The following C19orf47 variants were observed in gnomAD, a reference collection of about 807,000 sequenced individuals.
C19orf47 encodes the protein uncharacterized protein C19orf47.
In C19orf47, 18 loss-of-function variants were observed where a neutral mutation model predicts 32.3. The observed-to-expected ratio is 0.56, with a 90% CI of 0.39 to 0.83. C19orf47 has a LOEUF of 0.83. Ranked by LOEUF, C19orf47 falls within the 40% of genes least tolerant of loss-of-function variation. The pLI, the probability that C19orf47 is intolerant of heterozygous loss-of-function variation, is 0.00. For missense variants in C19orf47, 484 were observed against 531.6 expected (o/e 0.91, Z 0.88); for synonymous variants, 202 against 211.1 (o/e 0.96, Z 0.37).
rs375659046 is a variant in C19orf47, at chr19:40,321,616, G to A, written c.*266C>T. The A allele has an allele frequency of 2.6e-5, 33 of 1,257,048 alleles. No homozygotes were observed. The highest frequency in any genetic ancestry group is 3.2e-5 in the Non-Finnish European group (32 of 999,532). 77.9% of individuals were successfully genotyped at this position (1,257,048 alleles called of 1,614,324 possible). A position where few individuals can be genotyped will look rare whatever the true frequency, so the allele number is the denominator to read the frequency against. On this transcript the variant is annotated 3_prime_UTR_variant, in exon 9 of 9. Coordinates refer to ENST00000683109, the MANE Select transcript of C19orf47 (RefSeq NM_001256441.2). ...TGGCACTTGGGAGAGGTAGAAAAGT[G>A]GGTTCTGCCAAGGCCACAGCCAGAG...
chr19:40,306,219 T>C, the C19orf47 span, among the ~76,000 whole-genome samples: 1 of 150,796 alleles, frequency 6.6e-6, no homozygotes, highest in Non-Finnish European at 1.5e-5. Flanking sequence ...ACAAGTGTCC[T>C]GAGGTAAAGA....
chr19:40,306,135 G>C, the C19orf47 span, among the ~76,000 whole-genome samples: 1 of 108,980 alleles, frequency 9.2e-6, no homozygotes, highest in Non-Finnish European at 1.7e-5. Context: ...TGGACGACAA[G>C]AGCAAAACTC....
the C19orf47 span, among the ~76,000 whole-genome samples, chr19:40,308,005 T>C: frequency 0.055 from 8,331 of 151,096 alleles, 299 homozygotes; most frequent in Non-Finnish European, 0.088. Flanking sequence ...TGAAGAGAGG[T>C]TGAGTAACTT....
intron 6 of C19orf47, among the ~76,000 whole-genome samples, chr19:40,327,028 T>C (rs1254475070): frequency 3.3e-5 from 5 of 151,488 alleles, no homozygotes; most frequent in African/African-American, 1.2e-4. Flanking sequence ...TTTTTTTTTT[T>C]TGAGACTGAG....
At chr19:40,324,275 G>A in intron 7 of C19orf47, 199 bp from the exon 8 acceptor site, 1 of 602,358 alleles carries the variant, frequency 1.7e-6, no homozygotes, top group Non-Finnish European at 3.0e-6. Flanking sequence ...CCAAATGTGG[G>A]AAAGACCAGC....
At chr19:40,318,612 C>T (rs992770678), downstream of C19orf47, among the ~76,000 whole-genome samples, 2 of 152,150 alleles carry the variant, frequency 1.3e-5, no homozygotes, top group Non-Finnish European at 2.9e-5. Context: ...AGGGAAAGTG[C>T]GCATGTGTGA....
the C19orf47 span, among the ~76,000 whole-genome samples, chr19:40,299,814 T>C: frequency 6.6e-6 from 1 of 151,712 alleles, no homozygotes; most frequent in Admixed American, 6.6e-5. Context: ...TCACCTGAAG[T>C]CAGGAGTTTA....
chr19:40,328,969 G>A (rs912225277), intron 5 of C19orf47, among the ~76,000 whole-genome samples: 1 of 152,076 alleles, frequency 6.6e-6, no homozygotes, highest in Admixed American at 6.6e-5. Flanking sequence ...CAAGCACAGC[G>A]GAATTGCTGC....
chr19:40,329,927 T>C (rs1027940873), intron 5 of C19orf47, among the ~76,000 whole-genome samples: 3 of 152,202 alleles, frequency 2.0e-5, no homozygotes, highest in Non-Finnish European at 4.4e-5. Flanking sequence ...GAGGGAAATC[T>C]GCAGCTGAAA....
At chr19:40,301,377 G>C in the C19orf47 span, among the ~76,000 whole-genome samples, 3 of 149,324 alleles carry the variant, frequency 2.0e-5, no homozygotes, top group Admixed American at 1.3e-4. Flanking sequence ...GTCTCGCTCT[G>C]TCGCCCAGGC....
At chr19:40,342,065 C>T (rs2078188978) in intron 1 of C19orf47, 175 bp from the exon 2 acceptor site, 1 of 985,316 alleles carries the variant, frequency 1.0e-6, no homozygotes, top group South Asian at 4.7e-5. Context: ...CTGCCACCAC[C>T]ATCATCGCTT....
At chr19:40,346,584 T>C (rs2078292619) in intron 1 of C19orf47, among the ~76,000 whole-genome samples, 1 of 148,512 alleles carries the variant, frequency 6.7e-6, no homozygotes, top group South Asian at 2.1e-4. Context: ...TGGAGTGCAG[T>C]GGCGTGATCT....
chr19:40,297,071 T>A, the C19orf47 span, among the ~76,000 whole-genome samples: 1 of 152,214 alleles, frequency 6.6e-6, no homozygotes, highest in Non-Finnish European at 1.5e-5. Flanking sequence ...GTAATCCAAA[T>A]GCTTTTCAAG....
chr19:40,301,235 T>C, the C19orf47 span, among the ~76,000 whole-genome samples: 1 of 152,034 alleles, frequency 6.6e-6, no homozygotes, highest in Admixed American at 6.6e-5. Flanking sequence ...GATTATAATT[T>C]TTTTTTAATA....
chr19:40,318,243 T>A (rs1017802012), downstream of C19orf47, among the ~76,000 whole-genome samples: 3 of 151,964 alleles, frequency 2.0e-5, no homozygotes, highest in Non-Finnish European at 2.9e-5. Flanking sequence ...AAAATAAAAA[T>A]TTTTAAAAGG....
At chr19:40,347,949 A>T (rs2145640812) in intron 1 of C19orf47, among the ~76,000 whole-genome samples, 1 of 152,306 alleles carries the variant, frequency 6.6e-6, no homozygotes, top group Admixed American at 6.5e-5. Context: ...AAGGAAGCGA[A>T]GACACAGGCC....
rs1219481892 is a variant in C19orf47 at position 40,336,236 on chromosome 19, G to A, written c.108-12C>T. 3 of 1,614,010 alleles carry A rather than the reference G, an allele frequency of 1.9e-6. No individual in the cohort carries two copies. The highest frequency in any genetic ancestry group is 1.3e-5 in the African/African-American group (1 of 74,940). ...TGCTCTTCTGAATCCTGCAGGGAAA[G>A]GTCAGTGGTGAGGCCCCAGGTGGGC... On this transcript the variant is annotated splice_polypyrimidine_tract_variant and intron_variant, in intron 3 of 8. Coordinates refer to ENST00000683109, the MANE Select transcript of C19orf47 (RefSeq NM_001256441.2).
chr19:40,321,968 T>TCCC lies in C19orf47; in HGVS notation c.1069_1071dup (p.Gly357dup). 2 of 1,613,704 alleles carry TCCC rather than the reference T, an allele frequency of 1.2e-6. No homozygotes were observed. The highest frequency in any genetic ancestry group is 1.7e-6 in the Non-Finnish European group (2 of 1,179,892). On this transcript the variant is annotated inframe_insertion, in exon 9 of 9. Coordinates refer to ENST00000683109, the MANE Select transcript of C19orf47 (RefSeq NM_001256441.2). ...GCACCAAGGCCCTCGCTGGAGCTGC[T>TCCC]CCCCCGGGGCCCCACCAGAGTCCTC...
chr19:40,293,393 G>A, the C19orf47 span, among the ~76,000 whole-genome samples: 2 of 151,892 alleles, frequency 1.3e-5, no homozygotes, highest in East Asian at 1.9e-4. Flanking sequence ...TGATCCGCCC[G>A]CCTCAGCCTC....
Sources: gnomAD v4.1 joint callset for allele counts (sites outside exome capture counted in the v4.1 genomes callset) on GRCh38, gnomAD v4.1.1 for gene constraint, MANE v1.5 for transcripts, NCBI Gene and HGNC (gene_info 2026-07-23, HGNC 2026-07-21) for gene names.